Variants in MYLK observed in about 807,000 individuals in gnomAD.
MYLK encodes the protein myosin light chain kinase, smooth muscle.
In MYLK, 106 loss-of-function variants were observed where a neutral mutation model predicts 203.4. The observed-to-expected ratio is 0.52, with a 90% confidence interval of 0.45 to 0.61. MYLK has a LOEUF of 0.61. Ranked by LOEUF, MYLK falls within the 20% of genes least tolerant of loss-of-function variation. MYLK has a pLI of 0.00. For missense variants in MYLK, 2,072 were observed against 2,442.3 expected (o/e 0.85, Z 3.20); for synonymous variants, 867 against 959.5 (o/e 0.90, Z 1.78).
At chr3:123,880,504 A>C (rs1328453848) in intron 1 of MYLK, among the ~76,000 whole-genome samples, 4 of 152,190 alleles carry the variant, frequency 2.6e-5, no homozygotes, top group African/African-American at 9.7e-5. Context: ...AAAGAAAAGG[A>C]AATCCTCTCC....
chr3:123,780,804 C>T (rs989842021), intron 4 of MYLK, among the ~76,000 whole-genome samples: 17 of 152,186 alleles, frequency 1.1e-4, no homozygotes, highest in African/African-American at 2.4e-5. Flanking sequence ...ACGGGCCGGG[C>T]ACTGTCCTAG....
intron 2 of MYLK, among the ~76,000 whole-genome samples, chr3:123,844,277 A>G (rs1345407929): frequency 2.0e-5 from 3 of 152,128 alleles, no homozygotes; most frequent in Non-Finnish European, 2.9e-5. Flanking sequence ...GCCAACTTGT[A>G]TAACTTTCTT....
chr3:123,635,336 A>G (rs762323674), intron 29 of MYLK, among the ~76,000 whole-genome samples: 3 of 152,216 alleles, frequency 2.0e-5, no homozygotes, highest in South Asian at 2.1e-4. Flanking sequence ...CTTGGCGCCA[A>G]TGTTTGTTTT....
At chr3:123,618,326 A>C (rs2057633150) in intron 33 of MYLK, 1 of 371,898 alleles carries the variant, frequency 2.7e-6, no homozygotes, top group African/African-American at 2.1e-5. Flanking sequence ...AGCTCATTTC[A>C]CTAAGCATGT....
intron 1 of MYLK, among the ~76,000 whole-genome samples, chr3:123,881,932 C>G (rs548482546): frequency 6.6e-6 from 1 of 152,322 alleles, no homozygotes; most frequent in South Asian, 2.1e-4. Context: ...ACCCCCGCCA[C>G]CTGCCAGCCA....
chr3:123,883,967 C>T (rs2033696425), intron 1 of MYLK, among the ~76,000 whole-genome samples: 1 of 152,152 alleles, frequency 6.6e-6, no homozygotes, highest in Non-Finnish European at 1.5e-5. Context: ...CCTAGAAAGG[C>T]AATCGCATCA....
chr3:123,664,374 G>T (rs569867547), intron 22 of MYLK, 116 bp from the exon 23 acceptor site: 23 of 1,426,332 alleles, frequency 1.6e-5, no homozygotes, highest in African/African-American at 1.3e-4. Flanking sequence ...GCTGTGGGGG[G>T]GCTCAGTCTG....
At chr3:123,859,680 C>T (rs541665461) in intron 2 of MYLK, among the ~76,000 whole-genome samples, 9 of 152,210 alleles carry the variant, frequency 5.9e-5, no homozygotes, top group Middle Eastern at 3.4e-3. Flanking sequence ...AAAGACAAAT[C>T]GTTTAATAGA....
chr3:123,666,356 G>A lies in MYLK; in HGVS notation c.3704-10C>T. Reference sequence around the variant, plus strand: ...ATCTGAGGGGGCATTGCTGAGGGAGGACAGGGAGAAAGTGAGCGAGGCAGA... The same window carrying A: ...ATCTGAGGGGGCATTGCTGAGGGAGAACAGGGAGAAAGTGAGCGAGGCAGA... On this transcript the variant is annotated splice_polypyrimidine_tract_variant and intron_variant, in intron 21 of 33. Transcript: ENST00000360304. 2 of 1,614,198 alleles carry A rather than the reference G, an allele frequency of 1.2e-6. No individual in the cohort carries two copies. Among genetic ancestry groups the A allele is most frequent in the Non-Finnish European group, 1.7e-6 (2 of 1,180,032 alleles).
chr3:123,686,274 T>C (rs1308506226), intron 19 of MYLK, among the ~76,000 whole-genome samples: 1 of 151,634 alleles, frequency 6.6e-6, no homozygotes, highest in African/African-American at 2.4e-5. Context: ...TGTGAGGAAG[T>C]GGGGGGCCTC....
At chr3:123,684,954 G>C (rs2060400918) in intron 19 of MYLK, among the ~76,000 whole-genome samples, 1 of 152,222 alleles carries the variant, frequency 6.6e-6, no homozygotes, top group African/African-American at 2.4e-5. Flanking sequence ...GAAGGATCAG[G>C]TTTGCTTTTT....
intron 1 of MYLK, among the ~76,000 whole-genome samples, chr3:123,879,329 T>C (rs2033365576): frequency 6.6e-6 from 1 of 151,810 alleles, no homozygotes; most frequent in South Asian, 2.1e-4. Flanking sequence ...TGTTTGGGAG[T>C]GCGCTGCAAG....
intron 20 of MYLK, among the ~76,000 whole-genome samples, chr3:123,673,963 A>T (rs1242695283): frequency 6.6e-6 from 1 of 152,086 alleles, no homozygotes; most frequent in Non-Finnish European, 1.5e-5. Context: ...CTGGTAGAGC[A>T]CTGCCCCGGG....
At chr3:123,869,598 C>A (rs2032599853) in intron 2 of MYLK, among the ~76,000 whole-genome samples, 1 of 152,086 alleles carries the variant, frequency 6.6e-6, no homozygotes, top group Non-Finnish European at 1.5e-5. Flanking sequence ...TCTCCATATC[C>A]CAGTCTGCAA....
At chr3:123,745,868 G>A (rs186567439) in intron 5 of MYLK, among the ~76,000 whole-genome samples, 4 of 151,950 alleles carry the variant, frequency 2.6e-5, no homozygotes, top group South Asian at 2.1e-4. Context: ...TATTTTTTAC[G>A]TATTTTTGAG....
chr3:123,673,577 G>C (rs2059985685), intron 20 of MYLK, among the ~76,000 whole-genome samples: 1 of 152,092 alleles, frequency 6.6e-6, no homozygotes, highest in Admixed American at 6.5e-5. Flanking sequence ...CTCTCATGTG[G>C]CACCTGTGCT....
At chr3:123,698,895 G>C (rs1050476532) in intron 18 of MYLK, 2 of 152,018 alleles carry the variant, frequency 1.3e-5, no homozygotes, top group African/African-American at 4.9e-5. Context: ...GAGGGAGGGA[G>C]TGGGGAGGGT....
intron 3 of MYLK, among the ~76,000 whole-genome samples, chr3:123,802,169 C>T (rs758467843): frequency 7.2e-5 from 11 of 152,196 alleles, no homozygotes; most frequent in Non-Finnish European, 1.5e-4. Flanking sequence ...GATTTGCATC[C>T]TTTCTACTCT....
At position 123,863,345 on chromosome 3, in the gene MYLK, C is replaced by A. The variant is rs374605103; in HGVS notation, c.-127+13214G>T. On this transcript the variant is annotated intron_variant, in intron 2 of 33. Coordinates refer to ENST00000360304, the MANE Select transcript of MYLK (RefSeq NM_053025.4). ...TGGGGGTGGTAAAAGTTTCTTTGGA[C>A]ACAGAAAAAAAAATAGCCTTGCCAA... Among the ~76,000 whole-genome samples the A allele has an allele frequency of 1.4e-4, 3 of 21,060 alleles. No homozygotes were observed. In the East Asian group the frequency reaches 3.5e-3, roughly 24 times the overall value. The allele number at this position is 21,060 out of a possible 152,430, so 13.8% of individuals were successfully genotyped here.
Sources: gnomAD v4.1 joint callset for allele counts (sites outside exome capture counted in the v4.1 genomes callset) on GRCh38, gnomAD v4.1.1 for gene constraint, MANE v1.5 for transcripts, NCBI Gene and HGNC (gene_info 2026-07-23, HGNC 2026-07-21) for gene names.